Variants in SNX29 observed in about 807,000 individuals in gnomAD.
SNX29 encodes sorting nexin 29.
Under a neutral mutation model 102.1 loss-of-function variants are expected in SNX29, and 78 were observed. The observed-to-expected ratio is 0.76, with a 90% confidence interval of 0.64 to 0.92. SNX29 has a LOEUF of 0.92. Ranked by LOEUF, SNX29 falls within the 40% of genes least tolerant of loss-of-function variation. The probability of loss-of-function intolerance (pLI) is 0.00; values close to 1 mark genes in which losing one functional copy is unlikely to be tolerated. For synonymous variants in SNX29, 580 were observed against 414.5 expected, an observed-to-expected ratio of 1.40 and a Z score of -4.85; for missense variants, 1,280 against 1,061.7, an observed-to-expected ratio of 1.21 and a Z score of -2.86.
At chr16:12,441,189 G>A (rs995739542) in intron 18 of SNX29, among the ~76,000 whole-genome samples, 52 of 146,336 alleles carry the variant, frequency 3.6e-4, no homozygotes, top group African/African-American at 1.3e-3. Flanking sequence ...CTGGGTTCCC[G>A]CCATTCTCCT....
chr16:12,051,778 GT>G, intron 7 of SNX29, 68 bp from the exon 8 acceptor site: 1 of 1,571,082 alleles, frequency 6.4e-7, no homozygotes, highest in Non-Finnish European at 8.6e-7. Context: ...CTGGAGGTGA[GT>G]TGGTTCCATC....
chr16:12,268,922 C>T (rs757583455), intron 14 of SNX29, among the ~76,000 whole-genome samples: 13 of 152,126 alleles, frequency 8.5e-5, no homozygotes, highest in Non-Finnish European at 1.6e-4. Flanking sequence ...CTATTTTAGA[C>T]GACTTAACAC....
intron 20 of SNX29, among the ~76,000 whole-genome samples, chr16:12,566,717 G>C (rs568514765): frequency 6.6e-6 from 1 of 152,208 alleles, no homozygotes; most frequent in African/African-American, 2.4e-5. Flanking sequence ...ATCCTTTGAA[G>C]AGAGGATCAT....
chr16:12,273,407 G>A (rs1030375252), intron 14 of SNX29, among the ~76,000 whole-genome samples: 5 of 151,146 alleles, frequency 3.3e-5, no homozygotes, highest in African/African-American at 1.2e-4. Context: ...TGCTCAGGCT[G>A]TAGTGCAATG....
chr16:12,568,234 G>C (rs945343353), intron 20 of SNX29, among the ~76,000 whole-genome samples: 1 of 151,364 alleles, frequency 6.6e-6, no homozygotes, highest in African/African-American at 2.4e-5. Flanking sequence ...TTAAAATGTA[G>C]ACCGGAACGG....
At chr16:11,987,109 G>C (rs1442159842) in intron 1 of SNX29, among the ~76,000 whole-genome samples, 1 of 152,176 alleles carries the variant, frequency 6.6e-6, no homozygotes, top group Non-Finnish European at 1.5e-5. Flanking sequence ...CTGTCACCCA[G>C]GCTGGAGTGC....
chr16:12,093,497 C>G (rs2052644173), intron 11 of SNX29: 1 of 152,154 alleles, frequency 6.6e-6, no homozygotes, highest in Admixed American at 6.5e-5. Flanking sequence ...GCCTGTAATC[C>G]CAGCTACTCG....
chr16:12,068,866 G>T (rs1011067804), intron 9 of SNX29, among the ~76,000 whole-genome samples, 191 bp from the exon 10 acceptor site: 1 of 152,202 alleles, frequency 6.6e-6, no homozygotes, highest in African/African-American at 2.4e-5. Flanking sequence ...TACAGTGACT[G>T]ATGCCAAGTC....
At chr16:12,555,499 A>T (rs572160668) in intron 20 of SNX29, among the ~76,000 whole-genome samples, 79 of 151,452 alleles carry the variant, frequency 5.2e-4, no homozygotes, top group Middle Eastern at 3.4e-3. Context: ...GTGGGGAGTC[A>T]CGCAGGGATT....
chr16:12,318,212 C>G (rs1018734058), intron 15 of SNX29, among the ~76,000 whole-genome samples: 1 of 152,242 alleles, frequency 6.6e-6, no homozygotes, highest in African/African-American at 2.4e-5. Flanking sequence ...TCATGCACAC[C>G]TGGGAGCCTG....
At chr16:12,041,255 G>A (rs2049869292) in intron 4 of SNX29, among the ~76,000 whole-genome samples, 2 of 152,240 alleles carry the variant, frequency 1.3e-5, no homozygotes, top group East Asian at 1.9e-4. Context: ...GGGATTACAG[G>A]TGCCTGCCAC....
intron 11 of SNX29, among the ~76,000 whole-genome samples, chr16:12,083,372 G>C (rs1009462481): frequency 6.6e-6 from 1 of 151,564 alleles, no homozygotes; most frequent in African/African-American, 2.4e-5. Flanking sequence ...CCAAGATCAA[G>C]GTGCCAGCAG....
chr16:12,285,148 G>A (rs910053848), intron 15 of SNX29, among the ~76,000 whole-genome samples: 1 of 152,220 alleles, frequency 6.6e-6, no homozygotes, highest in African/African-American at 2.4e-5. Context: ...CTTAGGTAAA[G>A]CTTTGTATCC....
intron 3 of SNX29, among the ~76,000 whole-genome samples, chr16:12,025,671 T>C (rs941737485): frequency 6.6e-6 from 1 of 152,256 alleles, no homozygotes; most frequent in Non-Finnish European, 1.5e-5. Flanking sequence ...CGATTAGTGA[T>C]GTCTGTCATG....
chr16:12,562,347 C>A (rs939179993), intron 20 of SNX29, among the ~76,000 whole-genome samples: 1 of 151,466 alleles, frequency 6.6e-6, no homozygotes, highest in Non-Finnish European at 1.5e-5. Context: ...CTGTGATTTC[C>A]CCCTTTATTT....
chr16:12,316,550 A>T (rs1371507280), intron 15 of SNX29, among the ~76,000 whole-genome samples: 1 of 152,078 alleles, frequency 6.6e-6, no homozygotes, highest in Non-Finnish European at 1.5e-5. Flanking sequence ...TTCAAAAAAC[A>T]ACAAAAAAAG....
chr16:12,550,930 A>T (rs1051651560), intron 20 of SNX29, among the ~76,000 whole-genome samples: 1 of 152,222 alleles, frequency 6.6e-6, no homozygotes, highest in Admixed American at 6.5e-5. Context: ...AAGTGGAAAT[A>T]AATTTTTAGT....
intron 11 of SNX29, among the ~76,000 whole-genome samples, chr16:12,119,240 C>G (rs1351487117): frequency 6.6e-6 from 1 of 152,140 alleles, no homozygotes; most frequent in African/African-American, 2.4e-5. Context: ...CCCACTGTAC[C>G]CTGTGAGGAC....
chr16:12,546,793 T>C (rs560474933), intron 20 of SNX29: 344 of 152,306 alleles, frequency 2.3e-3, no homozygotes, highest in African/African-American at 7.9e-3. Flanking sequence ...AAATTTTAAA[T>C]ACAGACAATT....
Sources: gnomAD v4.1 joint callset for allele counts (sites outside exome capture counted in the v4.1 genomes callset) on GRCh38, gnomAD v4.1.1 for gene constraint, MANE v1.5 for transcripts, NCBI Gene and HGNC (gene_info 2026-07-23, HGNC 2026-07-21) for gene names.